Variants in CASD1 observed in about 807,000 individuals in gnomAD.
The protein encoded by CASD1 is CAS1 domain sialic acid O acetyltransferase 1, also known as N-acetylneuraminate (7)9-O-acetyltransferase.
In CASD1, 41 loss-of-function variants were observed where a neutral mutation model predicts 100.0. That is an observed-to-expected ratio of 0.41 (90% CI 0.32 to 0.53). The LOEUF is 0.53. Ranked by LOEUF, CASD1 falls within the 20% of genes least tolerant of loss-of-function variation. CASD1 has a pLI of 0.25. For synonymous variants in CASD1, 321 were observed against 315.6 expected (o/e 1.02, Z -0.18); for missense variants, 774 against 948.7 (o/e 0.82, Z 2.42).
At chr7:94,587,013 G>T in the CASD1 span, 4 of 982,814 alleles carry the variant, frequency 4.1e-6, no homozygotes, top group Middle Eastern at 5.2e-4. Flanking sequence ...AAACAAGAAG[G>T]TAATAGGCTC....
chr7:94,514,731 G>A (rs1413329172), intron 1 of CASD1, among the ~76,000 whole-genome samples: 1 of 152,036 alleles, frequency 6.6e-6, no homozygotes, highest in Non-Finnish European at 1.5e-5. Flanking sequence ...GATAATCTTG[G>A]TGTTGGAGAT....
chr7:94,541,913 G>T (rs1385126262), intron 10 of CASD1, among the ~76,000 whole-genome samples: 2 of 152,108 alleles, frequency 1.3e-5, no homozygotes, highest in Non-Finnish European at 2.9e-5. Context: ...ACTTTTAAAA[G>T]GTCCAGCATA....
the CASD1 span, among the ~76,000 whole-genome samples, chr7:94,578,563 T>G: frequency 6.6e-6 from 1 of 152,132 alleles, no homozygotes; most frequent in Admixed American, 6.5e-5. Context: ...CCCCCACCCA[T>G]TTGCCAGTCT....
chr7:94,544,621 T>TA (rs1347202548), intron 11 of CASD1, 91 bp downstream of exon 11: 1 of 1,289,388 alleles, frequency 7.8e-7, no homozygotes, highest in Non-Finnish European at 1.1e-6. Flanking sequence ...ATATAGTCAT[T>TA]ATAAGACTGA....
downstream of CASD1, among the ~76,000 whole-genome samples, chr7:94,558,243 C>T (rs1347120599): frequency 3.3e-5 from 5 of 152,100 alleles, no homozygotes; most frequent in African/African-American, 9.7e-5. Context: ...ATTCTATTCT[C>T]GAATGACTTT....
chr7:94,617,818 T>C, the CASD1 span: 1 of 152,222 alleles, frequency 6.6e-6, no homozygotes, highest in South Asian at 2.1e-4. Context: ...CATCCATGTG[T>C]ACATAGTTCT....
At chr7:94,528,817 A>T (rs954582861) in intron 5 of CASD1, among the ~76,000 whole-genome samples, 1 of 152,270 alleles carries the variant, frequency 6.6e-6, no homozygotes, top group Non-Finnish European at 1.5e-5. Flanking sequence ...TAGTTTCCAT[A>T]CAGTCTGTCA....
At chr7:94,615,765 T>G in the CASD1 span, among the ~76,000 whole-genome samples, 1 of 152,184 alleles carries the variant, frequency 6.6e-6, no homozygotes, top group African/African-American at 2.4e-5. Flanking sequence ...ATTCCCTTCA[T>G]AGCCACCATT....
chr7:94,620,745 G>A, the CASD1 span: 1 of 152,240 alleles, frequency 6.6e-6, no homozygotes, highest in East Asian at 1.9e-4. Context: ...CCTGTTCCAC[G>A]TGACCCAGCT....
chr7:94,549,902 A>G (rs1372826052), intron 14 of CASD1, among the ~76,000 whole-genome samples: 1 of 152,072 alleles, frequency 6.6e-6, no homozygotes, highest in African/African-American at 2.4e-5. Flanking sequence ...TTTGATTTAT[A>G]GGTGACTTGT....
At chr7:94,620,036 TAC>T in the CASD1 span, 1 of 152,230 alleles carries the variant, frequency 6.6e-6, no homozygotes, top group Non-Finnish European at 1.5e-5. Context: ...TTCTAGGTGC[TAC>T]ACAGATTTAA....
intron 5 of CASD1, among the ~76,000 whole-genome samples, chr7:94,528,687 AG>A (rs1353020070): frequency 6.6e-6 from 1 of 152,070 alleles, no homozygotes; most frequent in African/African-American, 2.4e-5. Context: ...GTGACCCAGC[AG>A]GCAAGACTAA....
At chr7:94,629,684 C>T in the CASD1 span, 34 of 1,607,130 alleles carry the variant, frequency 2.1e-5, no homozygotes, top group Middle Eastern at 3.3e-4. Flanking sequence ...AAATTTAGTA[C>T]GTTAACTGCT....
At chr7:94,590,137 C>T in the CASD1 span, 1 of 152,204 alleles carries the variant, frequency 6.6e-6, no homozygotes, top group Non-Finnish European at 1.5e-5. Context: ...CAACAACCAA[C>T]TACCATGTCC....
intron 16 of CASD1, among the ~76,000 whole-genome samples, chr7:94,553,492 GAC>G (rs1251082110): frequency 6.6e-6 from 1 of 152,106 alleles, no homozygotes; most frequent in African/African-American, 2.4e-5. Context: ...GCATCCTAGA[GAC>G]TTCTTAGATC....
the CASD1 span, chr7:94,624,162 CAAA>C: frequency 1.0e-3 from 355 of 349,464 alleles, no homozygotes; most frequent in Middle Eastern, 1.4e-3. Flanking sequence ...TGCAGTACCT[CAAA>C]AAAAAAAAAA....
At position 94,556,540 on chromosome 7, in the gene CASD1, A is replaced by G. The variant is rs962490018; in HGVS notation, c.*782A>G. On this transcript the variant is annotated 3_prime_UTR_variant, in exon 18 of 18. Transcript: ENST00000297273. The stretch of plus-strand genomic sequence containing the variant: ...CAGTGTAATACCAGTTACCCTGTGG[A>G]TCCATTTAATATGTTATCCCCACTA... The G allele has an allele frequency of 6.6e-6, 1 of 151,998 alleles. No individual in the cohort carries two copies. Among genetic ancestry groups the G allele is most frequent in the Non-Finnish European group, 1.5e-5 (1 of 67,922 alleles). The allele number at this position is 151,998 out of a possible 1,614,324, so 9.4% of individuals were successfully genotyped here.
Position 94,555,858 on chromosome 7 carries a change from T to A in CASD1, c.*100T>A, listed in dbSNP as rs1796180425. 1 of 1,256,674 alleles carries A rather than the reference T, an allele frequency of 8.0e-7. No homozygotes were observed. The allele number at this position is 1,256,674 out of a possible 1,614,324, so 77.8% of individuals were successfully genotyped here. ...GGAGATATAAATGTGTATGTAAATA[T>A]AAACGTTTGTGGCAAGAGGACAGTT... On this transcript the variant is annotated 3_prime_UTR_variant, in exon 18 of 18. Coordinates refer to ENST00000297273, the MANE Select transcript of CASD1 (RefSeq NM_022900.5).
At chr7:94,521,562 G>A (rs1418385777) in intron 3 of CASD1, among the ~76,000 whole-genome samples, 4 of 151,852 alleles carry the variant, frequency 2.6e-5, no homozygotes, top group East Asian at 1.9e-4. Context: ...AATAAGGACC[G>A]AAAGAATTGA....
Sources: allele counts gnomAD v4.1 joint callset (sites outside exome capture counted in the v4.1 genomes callset), GRCh38; gene constraint gnomAD v4.1.1; transcripts MANE v1.5; gene names NCBI Gene and HGNC (gene_info 2026-07-23, HGNC 2026-07-21).